Variants in TAMM41 observed in about 807,000 individuals in gnomAD.
TAMM41 encodes TAM41 mitochondrial translocator assembly and maintenance homolog.
A neutral mutation model predicts 44.1 loss-of-function variants in TAMM41; 36 were observed. The observed-to-expected ratio is 0.82, with a 90% confidence interval of 0.63 to 1.08. The LOEUF (loss-of-function observed/expected upper bound fraction) is 1.08. Ranked by LOEUF, TAMM41 falls within the 50% of genes least tolerant of loss-of-function variation. The pLI is 0.00. For synonymous variants in TAMM41, 164 were observed against 153.1 expected, an observed-to-expected ratio of 1.07 and a Z score of -0.53; for missense variants, 417 against 404.3, an observed-to-expected ratio of 1.03 and a Z score of -0.27.
At chr3:11,840,380 G>A (rs537189688) in intron 2 of TAMM41, among the ~76,000 whole-genome samples, 89 of 151,908 alleles carry the variant, frequency 5.9e-4, no homozygotes, top group East Asian at 3.5e-3. Flanking sequence ...TTACAGGCAC[G>A]CGGTACCACA....
chr3:11,733,048 G>C, the TAMM41 span, among the ~76,000 whole-genome samples: 7 of 145,120 alleles, frequency 4.8e-5, no homozygotes, highest in Non-Finnish European at 7.5e-5. Flanking sequence ...ATCTAGGCTG[G>C]AGTGCAGTGG....
At chr3:11,799,408 G>A (rs1275968230) in intron 7 of TAMM41, among the ~76,000 whole-genome samples, 2 of 152,118 alleles carry the variant, frequency 1.3e-5, no homozygotes, top group Admixed American at 1.3e-4. Flanking sequence ...TAGTCTCTGC[G>A]GCTCACAAAC....
intron 7 of TAMM41, among the ~76,000 whole-genome samples, chr3:11,803,745 A>G (rs2077822722): frequency 1.3e-5 from 2 of 152,250 alleles, no homozygotes; most frequent in African/African-American, 4.8e-5. Context: ...CTTGAATACT[A>G]CTTAGCCATA....
At chr3:11,783,347 T>G in the TAMM41 span, among the ~76,000 whole-genome samples, 1 of 139,544 alleles carries the variant, frequency 7.2e-6, no homozygotes, top group African/African-American at 2.9e-5. Flanking sequence ...AAGCCCAACA[T>G]CACCTGGCTA....
the TAMM41 span, among the ~76,000 whole-genome samples, chr3:11,767,625 C>CTTTTTTTT: frequency 3.6e-5 from 1 of 27,910 alleles, no homozygotes; most frequent in Non-Finnish European, 7.8e-5. Flanking sequence ...ACACGTTGTG[C>CTTTTTTTT]ATTTTTTTTT....
At chr3:11,843,471 T>C in intron 2 of TAMM41, 1 of 152,884 alleles carries the variant, frequency 6.5e-6, no homozygotes, top group Non-Finnish European at 1.5e-5. Context: ...GCTCAGTGGC[T>C]CACGCCTGTA....
At chr3:11,755,028 C>T in the TAMM41 span, among the ~76,000 whole-genome samples, 8 of 152,042 alleles carry the variant, frequency 5.3e-5, 1 homozygote, top group African/African-American at 1.4e-4. Context: ...CACTGTCCTT[C>T]CTTCTAGGAT....
At chr3:11,789,358 T>C (rs140939687), downstream of TAMM41, among the ~76,000 whole-genome samples, 98 of 152,318 alleles carry the variant, frequency 6.4e-4, no homozygotes, top group African/African-American at 2.3e-3. Flanking sequence ...ACTAGAATAC[T>C]TGGCAATGCA....
chr3:11,802,477 A>G (rs901647808), intron 7 of TAMM41, among the ~76,000 whole-genome samples: 1 of 152,206 alleles, frequency 6.6e-6, no homozygotes, highest in Non-Finnish European at 1.5e-5. Flanking sequence ...TCATGGAAAC[A>G]TAATCTTCAA....
chr3:11,841,265 T>C (rs1444973231), intron 2 of TAMM41, among the ~76,000 whole-genome samples: 1 of 152,052 alleles, frequency 6.6e-6, no homozygotes. Context: ...GTATTTTTTG[T>C]AGAGACAGGG....
rs2079702894 is a variant in TAMM41 at position 11,846,551 on chromosome 3, A to G, written c.86T>C (p.Val29Ala). The G allele has an allele frequency of 6.2e-7, 1 of 1,614,106 alleles. No homozygotes were observed. Among genetic ancestry groups the G allele is most frequent in the African/African-American group, 1.3e-5 (1 of 74,948 alleles). The change falls in exon 1 of 8, where the codon GTC becomes GCC. Residue 29 changes from valine (V) to alanine (A), a missense_variant. Coordinates refer to ENST00000455809, the MANE Select transcript of TAMM41 (RefSeq NM_001284401.2). ...HFPEELSLAF[V>A]YGSGVYRQAG... ...CTGGCGGTACACCCCGGAGCCGTAG[A>G]CGAAAGCCAGACTCAGCTCCTCGGG...
At chr3:11,827,643 A>G (rs1233776600) in intron 4 of TAMM41, among the ~76,000 whole-genome samples, 1 of 151,114 alleles carries the variant, frequency 6.6e-6, no homozygotes, top group African/African-American at 2.4e-5. Context: ...GAGGAAAAAA[A>G]AAAAAAAAAA....
chr3:11,785,377 G>A, the TAMM41 span, among the ~76,000 whole-genome samples: 2 of 152,080 alleles, frequency 1.3e-5, no homozygotes, highest in Admixed American at 6.5e-5. Context: ...CCAGGCTGGA[G>A]TGCAGTGGCG....
At chr3:11,757,389 G>A in the TAMM41 span, among the ~76,000 whole-genome samples, 12 of 152,140 alleles carry the variant, frequency 7.9e-5, no homozygotes, top group African/African-American at 1.9e-4. Flanking sequence ...GTCCAGGGGC[G>A]GCCGTCTCCC....
At chr3:11,779,686 C>T in the TAMM41 span, among the ~76,000 whole-genome samples, 1 of 152,138 alleles carries the variant, frequency 6.6e-6, no homozygotes, top group African/African-American at 2.4e-5. Context: ...GATCCTCATT[C>T]ACTCCCATGG....
chr3:11,817,383 A>T, intron 4 of TAMM41, 46 bp from the exon 5 acceptor site: 1 of 1,571,704 alleles, frequency 6.4e-7, no homozygotes, highest in Non-Finnish European at 8.7e-7. Context: ...AAGAATCCAC[A>T]CTCTCGACCT....
chr3:11,739,982 A>G, the TAMM41 span, among the ~76,000 whole-genome samples: 1 of 152,162 alleles, frequency 6.6e-6, no homozygotes, highest in African/African-American at 2.4e-5. Context: ...GAAAGAATGA[A>G]TCCTTCCTTA....
Position 11,817,274 on chromosome 3 carries a change from A to G in TAMM41, c.626T>C (p.Ile209Thr), listed in dbSNP as rs1559292387. The G allele has an allele frequency of 6.2e-7, 1 of 1,613,600 alleles. No individual in the cohort carries two copies. Residue 209 changes from isoleucine (I) to threonine (T), a missense_variant, in exon 5 of 8, where the codon ATA becomes ACA. Physicochemically the swap from Ile to Thr is moderately conservative, Grantham distance 89. Transcript: ENST00000455809. ...GCCATAGAGCTCTCGAAAGTGGGCT[A>G]TATTGGGCTTCACAATATTCAACAC... The part of the protein sequence containing the change: ...TKVLNIVKPN[I>T]AHFRELYGSI...
chr3:11,839,946 T>G (rs1442374531), intron 2 of TAMM41, among the ~76,000 whole-genome samples: 1 of 152,118 alleles, frequency 6.6e-6, no homozygotes, highest in Non-Finnish European at 1.5e-5. Flanking sequence ...TTTGAGATGT[T>G]TTCAGACTTT....
Sources: allele counts gnomAD v4.1 joint callset (sites outside exome capture counted in the v4.1 genomes callset), GRCh38; gene constraint gnomAD v4.1.1; transcripts MANE v1.5; gene names NCBI Gene and HGNC (gene_info 2026-07-23, HGNC 2026-07-21).